PIP5K1B: variants seen among roughly 807,000 people sequenced by gnomAD.
PIP5K1B encodes the protein phosphatidylinositol-4-phosphate 5-kinase type 1 beta.
PIP5K1B carries 42 observed loss-of-function variants against 67.0 expected under a neutral mutation model. That is an observed-to-expected ratio of 0.63 (90% CI 0.49 to 0.81). The LOEUF is 0.81. Among genes scored for constraint, PIP5K1B ranks in the 30% least tolerant of loss-of-function variants. The pLI, the probability that PIP5K1B is intolerant of heterozygous loss-of-function variation, is 0.00. For synonymous variants in PIP5K1B, 214 were observed against 231.4 expected, an observed-to-expected ratio of 0.92 and a Z score of 0.68; for missense variants, 459 against 646.3, an observed-to-expected ratio of 0.71 and a Z score of 3.14.
intron 14 of PIP5K1B, among the ~76,000 whole-genome samples, chr9:68,943,435 C>T (rs1454583791): frequency 6.6e-6 from 1 of 152,142 alleles, no homozygotes; most frequent in Non-Finnish European, 1.5e-5. Context: ...AGTCAATATC[C>T]CTATTTCCCT....
intron 8 of PIP5K1B, among the ~76,000 whole-genome samples, chr9:68,899,053 T>A (rs963689623): frequency 6.6e-6 from 1 of 152,230 alleles, no homozygotes; most frequent in African/African-American, 2.4e-5. Context: ...AGATGCGTTC[T>A]TCAGCTTCTG....
intron 2 of PIP5K1B, among the ~76,000 whole-genome samples, chr9:68,766,999 CAAAT>C (rs970198564): frequency 1.3e-5 from 2 of 152,144 alleles, no homozygotes; most frequent in African/African-American, 4.8e-5. Context: ...GTAAATTCTT[CAAAT>C]AGTCAGGGAT....
At chr9:68,780,753 A>G in intron 2 of PIP5K1B, 1 of 1,614,246 alleles carries the variant, frequency 6.2e-7, no homozygotes, top group Non-Finnish European at 8.5e-7. Flanking sequence ...CATTAGACCA[A>G]GTGTTCTTGG....
intron 2 of PIP5K1B, chr9:68,781,713 C>T (rs1831294919): frequency 6.0e-6 from 1 of 165,712 alleles, no homozygotes; most frequent in African/African-American, 2.4e-5. Context: ...AGTCATACAA[C>T]TATAACTACT....
chr9:68,981,438 T>C (rs895645800), intron 14 of PIP5K1B, among the ~76,000 whole-genome samples: 1 of 112,776 alleles, frequency 8.9e-6, no homozygotes, highest in Admixed American at 1.3e-4. Flanking sequence ...AAAAGAGAAA[T>C]CCCAAAAAGG....
At chr9:68,862,337 C>G (rs941125638) in intron 4 of PIP5K1B, among the ~76,000 whole-genome samples, 1 of 152,096 alleles carries the variant, frequency 6.6e-6, no homozygotes, top group African/African-American at 2.4e-5. Flanking sequence ...AAAGAATCTG[C>G]GAGCCATCTG....
chr9:68,861,899 T>C (rs1823096841), intron 4 of PIP5K1B, among the ~76,000 whole-genome samples: 1 of 135,780 alleles, frequency 7.4e-6, no homozygotes, highest in Non-Finnish European at 1.7e-5. Flanking sequence ...TTGTTTGTTT[T>C]TTGTTTTTTT....
chr9:68,898,108 G>T (rs527469501), intron 8 of PIP5K1B, among the ~76,000 whole-genome samples: 11 of 152,088 alleles, frequency 7.2e-5, no homozygotes, highest in Non-Finnish European at 1.2e-4. Context: ...TGTATAATAA[G>T]CCTGCCCTTT....
chr9:68,919,587 T>C, intron 10 of PIP5K1B, 25 bp downstream of exon 10: 1 of 1,439,152 alleles, frequency 6.9e-7, no homozygotes, highest in Non-Finnish European at 9.7e-7. Flanking sequence ...GAGTGGTCTT[T>C]TATTATTTCA....
intron 10 of PIP5K1B, 54 bp from the exon 11 acceptor site, chr9:68,919,627 C>A: frequency 7.0e-7 from 1 of 1,420,748 alleles, no homozygotes; most frequent in Non-Finnish European, 9.9e-7. Context: ...TCTGAAAAAT[C>A]ACCAAATGAG....
At chr9:68,780,917 C>G in intron 2 of PIP5K1B, 1 of 1,614,156 alleles carries the variant, frequency 6.2e-7, no homozygotes, top group South Asian at 1.1e-5. Context: ...GCAGCAGTGC[C>G]GGATCTTCTT....
chr9:68,910,635 A>T (rs866139519), intron 8 of PIP5K1B, among the ~76,000 whole-genome samples: 13 of 152,364 alleles, frequency 8.5e-5, no homozygotes, highest in Middle Eastern at 6.8e-3. Flanking sequence ...GTATGATACA[A>T]AGAATATAGG....
intron 1 of PIP5K1B, among the ~76,000 whole-genome samples, chr9:68,739,109 A>G (rs1367743878): frequency 2.0e-5 from 3 of 152,306 alleles, no homozygotes; most frequent in Non-Finnish European, 2.9e-5. Context: ...CAGCACCACT[A>G]TTTTGATTCT....
chr9:68,755,261 A>G (rs1829867367), intron 2 of PIP5K1B, among the ~76,000 whole-genome samples: 1 of 152,244 alleles, frequency 6.6e-6, no homozygotes, highest in South Asian at 2.1e-4. Context: ...GCTTTCCCAA[A>G]GAATCCACTT....
At chr9:68,943,200 G>A (rs952106048) in intron 14 of PIP5K1B, among the ~76,000 whole-genome samples, 10 of 152,162 alleles carry the variant, frequency 6.6e-5, no homozygotes, top group Non-Finnish European at 1.3e-4. Context: ...GCATTTATCA[G>A]CTGGAGGGGA....
In PIP5K1B at chr9:69,000,647, C is replaced by T. The variant is rs532515675; in HGVS notation, c.1621-7800C>T. On this transcript the variant is annotated intron_variant, in intron 15 of 15. Coordinates refer to ENST00000265382, the MANE Select transcript of PIP5K1B (RefSeq NM_003558.4). ...CTGTACGTGTCTGTATCCAAAATTC[C>T]CCTTTGCATAAGGACATCAGCCATA... Among the ~76,000 whole-genome samples the T allele has an allele frequency of 2.0e-5, 3 of 152,262 alleles. No individual in the cohort carries two copies. The South Asian group carries it at 6.2e-4, about 32-fold the overall frequency.
intron 3 of PIP5K1B, among the ~76,000 whole-genome samples, chr9:68,821,640 T>C (rs1048121251): frequency 1.1e-4 from 16 of 152,344 alleles, no homozygotes; most frequent in Admixed American, 1.3e-4. Flanking sequence ...GAGTATACTC[T>C]TCTGGAAATA....
intron 14 of PIP5K1B, chr9:68,964,078 T>C (rs905119092): frequency 6.6e-6 from 1 of 152,238 alleles, no homozygotes; most frequent in Non-Finnish European, 1.5e-5. Flanking sequence ...ATGAAATCAA[T>C]AGCATTTTCT....
At chr9:68,991,851 C>T (rs1398396830) in intron 15 of PIP5K1B, among the ~76,000 whole-genome samples, 1 of 152,160 alleles carries the variant, frequency 6.6e-6, no homozygotes, top group Non-Finnish European at 1.5e-5. Context: ...TCAGCTTAAT[C>T]GAACTGTTAG....
Sources: gnomAD v4.1 joint callset for allele counts (sites outside exome capture counted in the v4.1 genomes callset) on GRCh38, gnomAD v4.1.1 for gene constraint, MANE v1.5 for transcripts, NCBI Gene and HGNC (gene_info 2026-07-23, HGNC 2026-07-21) for gene names.